ZFYVE1: variants seen among roughly 807,000 people sequenced by gnomAD.
ZFYVE1 encodes zinc finger FYVE-type containing 1.
A neutral mutation model predicts 74.4 loss-of-function variants in ZFYVE1; 30 were observed. The ratio of observed to expected loss-of-function variants is 0.40; its 90% CI spans 0.30 to 0.55. ZFYVE1 has a LOEUF of 0.55. Among genes scored for constraint, ZFYVE1 ranks in the 20% least tolerant of loss-of-function variants. The pLI is 0.42. For synonymous variants in ZFYVE1, 335 were observed against 385.1 expected (o/e 0.87, Z 1.52); for missense variants, 703 against 1,011.6 (o/e 0.69, Z 4.14).
intron 11 of ZFYVE1, among the ~76,000 whole-genome samples, chr14:72,972,697 A>T (rs1469539393): frequency 5.3e-5 from 8 of 149,844 alleles, no homozygotes; most frequent in Non-Finnish European, 1.0e-4. Context: ...CTGGGTAGCT[A>T]TTTTAAATCT....
chr14:72,995,563 C>A (rs74062627), intron 3 of ZFYVE1, among the ~76,000 whole-genome samples: 3 of 152,138 alleles, frequency 2.0e-5, no homozygotes, highest in Non-Finnish European at 4.4e-5. Flanking sequence ...GGGCTGGTTA[C>A]TTCAAAATCC....
At position 72,975,048 on chromosome 14, in the gene ZFYVE1, C is replaced by A; in HGVS notation, c.1807-89G>T. 7.0e-7 allele frequency: 1 copy of A among 1,430,086 alleles called. No homozygotes were observed. Among genetic ancestry groups the A allele is most frequent in the Non-Finnish European group, 9.4e-7 (1 of 1,065,696 alleles). The allele number at this position is 1,430,086 out of a possible 1,614,324, so 88.6% of individuals were successfully genotyped here. A position where few individuals can be genotyped will look rare whatever the true frequency, so the allele number is the denominator to read the frequency against. On this transcript the variant is annotated intron_variant, in intron 9 of 11. Coordinates refer to ENST00000556143, the MANE Select transcript of ZFYVE1 (RefSeq NM_021260.4). The surrounding 1 kb of genome is among the most constrained non-coding windows in gnomAD (Gnocchi z 4.1). Reference sequence around the variant, plus strand: ...AAAGTCAACAAGACCCCGGAGCAAGCAGAAACTAAGGCAGGTGGCGTTAGC... The same window carrying A: ...AAAGTCAACAAGACCCCGGAGCAAGAAGAAACTAAGGCAGGTGGCGTTAGC...
intron 2 of ZFYVE1, among the ~76,000 whole-genome samples, chr14:73,015,292 GGAAA>G (rs1230024783): frequency 4.9e-4 from 37 of 75,180 alleles, no homozygotes; most frequent in Non-Finnish European, 6.4e-4. Context: ...AAGGAAGGAA[GGAAA>G]GAAGGGAGGG....
intron 4 of ZFYVE1, among the ~76,000 whole-genome samples, chr14:72,989,616 G>T (rs917937787): frequency 8.6e-5 from 13 of 152,014 alleles, no homozygotes; most frequent in African/African-American, 2.9e-4. Flanking sequence ...TATGTATCAG[G>T]AACCTTTTAA....
At chr14:72,985,116 C>CA (rs1893440969) in intron 4 of ZFYVE1, among the ~76,000 whole-genome samples, 1 of 152,192 alleles carries the variant, frequency 6.6e-6, no homozygotes, top group African/African-American at 2.4e-5. Flanking sequence ...GGCTGTTTCT[C>CA]AAAGATATGT....
Position 73,027,057 on chromosome 14 carries a change from TC to T in ZFYVE1, c.-567del. The T allele has an allele frequency of 2.5e-6, 1 of 399,356 alleles. No homozygotes were observed. The highest frequency in any genetic ancestry group is 4.4e-6 in the Non-Finnish European group (1 of 226,676). 24.7% of individuals were successfully genotyped at this position (399,356 alleles called of 1,614,324 possible). On this transcript the variant is annotated 5_prime_UTR_variant, in exon 1 of 12. Transcript: ENST00000556143. ...TCCGCCACCCTCCTCCTTCGTTGCCTCCCGGGCTTCCTCCTCTCCTGTTGTC... is the reference window on the plus strand; with the variant it reads ...TCCGCCACCCTCCTCCTTCGTTGCCTCCGGGCTTCCTCCTCTCCTGTTGTC...
chr14:73,002,874 T>TG (rs1893902278), intron 2 of ZFYVE1, among the ~76,000 whole-genome samples: 1 of 150,784 alleles, frequency 6.6e-6, no homozygotes, highest in Admixed American at 6.6e-5. Context: ...CCAGAGTAGC[T>TG]GGGACTACAG....
chr14:73,021,421 CGTAA>C (rs1894317443), intron 2 of ZFYVE1, among the ~76,000 whole-genome samples: 1 of 151,826 alleles, frequency 6.6e-6, no homozygotes, highest in Admixed American at 6.6e-5. Flanking sequence ...AACACCAATC[CGTAA>C]GTATTTATGC....
At position 72,970,709 on chromosome 14, in the gene ZFYVE1, C is replaced by T. The variant is rs1418293228; in HGVS notation, c.*173G>A. 16 of 694,130 alleles carry T rather than the reference C, an allele frequency of 2.3e-5. No individual in the cohort carries two copies. In the East Asian group the frequency reaches 4.4e-4, roughly 19 times the overall value. 43.0% of individuals were successfully genotyped at this position (694,130 alleles called of 1,614,324 possible). A position where few individuals can be genotyped will look rare whatever the true frequency, so the allele number is the denominator to read the frequency against. On this transcript the variant is annotated 3_prime_UTR_variant, in exon 12 of 12. Coordinates refer to ENST00000556143, the MANE Select transcript of ZFYVE1 (RefSeq NM_021260.4). ...GCAAGGTCCCCTGCCCTGAGGGGTC[C>T]ACACCTTCGGGCCTGCCGCCAGGCT...
Position 72,975,730 on chromosome 14 carries a change from A to C in ZFYVE1, c.1636-9T>G, listed in dbSNP as rs1349074714. 5.0e-6 allele frequency: 8 copies of C among 1,613,230 alleles called. No individual in the cohort carries two copies. On this transcript the variant is annotated splice_polypyrimidine_tract_variant and intron_variant, in intron 8 of 11. Transcript: ENST00000556143. This position sits in a 1 kb window ranked among gnomAD's most constrained non-coding sequence, Gnocchi z 4.1. ...TTCAGAAACCCATCAGTCTGAAATG[A>C]AAACGCAGGCTTCCATCATGCTCTG...
rs34682851 is a variant in ZFYVE1 at position 72,981,863 on chromosome 14, G to A, written c.1236C>T (p.Pro412=). The part of the protein sequence containing the change: ...ALSDRFSGEI[P]DDQMAHSSFF... ...AGGAGCTGTGCGCCATCTGGTCATC[G>A]GGGATCTCACCGCTGAAGCGGTCAC... Residue 412 remains proline, a synonymous_variant, in exon 5 of 12, where the codon CCC becomes CCT. Coordinates refer to ENST00000556143, the MANE Select transcript of ZFYVE1 (RefSeq NM_021260.4). 1.4e-4 allele frequency: 229 copies of A among 1,614,048 alleles called. 1 individual carries two copies. In the African/African-American group the frequency reaches 2.7e-3, roughly 19 times the overall value.
intron 2 of ZFYVE1, 66 bp downstream of exon 2, chr14:73,023,960 G>C: frequency 6.5e-7 from 1 of 1,547,296 alleles, no homozygotes; most frequent in East Asian, 2.3e-5. Flanking sequence ...ATCGTTTTTT[G>C]AGAGCTGGCT....
At chr14:72,997,649 G>A (rs1893777628) in intron 3 of ZFYVE1, among the ~76,000 whole-genome samples, 162 bp downstream of exon 3, 1 of 152,224 alleles carries the variant, frequency 6.6e-6, no homozygotes, top group South Asian at 2.1e-4. Flanking sequence ...TAAGCAGATT[G>A]ACATGTTTGA....
In ZFYVE1 at chr14:72,998,131, G is replaced by A. The variant is rs1893791297; in HGVS notation, c.668C>T (p.Ala223Val). 9 of 1,614,022 alleles carry A rather than the reference G, an allele frequency of 5.6e-6. No homozygotes were observed. Among genetic ancestry groups the A allele is most frequent in the Middle Eastern group, 3.3e-4 (2 of 6,062 alleles). Residue 223 changes from alanine (A) to valine (V), a missense_variant, in exon 3 of 12, where the codon GCA (alanine) becomes GTA (valine). Around this residue, in one of 2 missense-constraint regions of ZFYVE1, gnomAD observed 492 missense variants for 790.0 expected, o/e 0.62. Coordinates refer to ENST00000556143, the MANE Select transcript of ZFYVE1 (RefSeq NM_021260.4). Reference sequence around the variant, plus strand: ...TACTTTGTGAACTGGGTCATAGGCTGCCCACACTCCCACAGTGCAGGACTC... The same window carrying A: ...TACTTTGTGAACTGGGTCATAGGCTACCCACACTCCCACAGTGCAGGACTC... ...TQESCTVGVW[A>V]AYDPVHKVAV...
At chr14:72,983,518 A>G (rs1273287460) in intron 4 of ZFYVE1, among the ~76,000 whole-genome samples, 1 of 151,968 alleles carries the variant, frequency 6.6e-6, no homozygotes, top group East Asian at 1.9e-4. Context: ...ATGTCCCTAC[A>G]AAGGACATGA....
At chr14:72,980,669 G>A (rs1205468564) in intron 5 of ZFYVE1, among the ~76,000 whole-genome samples, 1 of 152,006 alleles carries the variant, frequency 6.6e-6, no homozygotes, top group Admixed American at 6.6e-5. Flanking sequence ...CCGGGTTCAC[G>A]CCATTCTCCT....
intron 4 of ZFYVE1, among the ~76,000 whole-genome samples, chr14:72,991,182 T>C (rs1395311762): frequency 1.6e-5 from 2 of 128,120 alleles, no homozygotes; most frequent in African/African-American, 5.5e-5. Context: ...TCCCTGATGG[T>C]ATTTTTTTTT....
At chr14:73,000,884 C>T (rs894945263) in intron 2 of ZFYVE1, among the ~76,000 whole-genome samples, 5 of 152,224 alleles carry the variant, frequency 3.3e-5, no homozygotes, top group African/African-American at 1.2e-4. Flanking sequence ...AGTTACCACG[C>T]AGCCATAAAA....
At position 72,993,149 on chromosome 14, in the gene ZFYVE1, G is replaced by T; in HGVS notation, c.1197C>A (p.Ala399=). ...GGGGCACAAGCCAACTGACCTTCAG[G>T]GCTTTGAAGATGACTCCCGGGTGCC... is the stretch of plus-strand genomic sequence containing the variant. ...SPRHPGVIFK[A]LKALSDRFSG... is the part of the protein sequence containing the mutation. The change falls in exon 4 of 12, where the codon GCC becomes GCA. Residue 399 remains alanine (A), a synonymous_variant. Coordinates refer to ENST00000556143, the MANE Select transcript of ZFYVE1 (RefSeq NM_021260.4). The T allele has an allele frequency of 1.2e-6, 2 of 1,603,212 alleles. No individual in the cohort carries two copies. The highest frequency in any genetic ancestry group is 1.7e-6 in the Non-Finnish European group (2 of 1,173,422).
Sources: gnomAD v4.1 joint callset for allele counts (sites outside exome capture counted in the v4.1 genomes callset) on GRCh38, gnomAD v4.1.1 for gene constraint, gnomAD v4.1.1 regional missense constraint, Gnocchi (gnomAD v3.1) non-coding constraint, MANE v1.5 for transcripts, NCBI Gene and HGNC (gene_info 2026-07-23, HGNC 2026-07-21) for gene names.